The following PKP2 variants were observed in gnomAD, a reference collection of about 807,000 sequenced individuals.
PKP2 encodes plakophilin 2, also known as plakophilin-2.
In PKP2, 73 loss-of-function variants were observed where a neutral mutation model predicts 83.4. The ratio of observed to expected loss-of-function variants is 0.88; its 90% CI spans 0.72 to 1.06. The LOEUF is 1.06. PKP2 is among the 50% of genes least tolerant of loss of function. PKP2 has a pLI of 0.00. For missense variants in PKP2, 966 were observed against 1,065.4 expected (o/e 0.91, Z 1.30); for synonymous variants, 409 against 430.4 (o/e 0.95, Z 0.62).
chr12:32,797,955 G>A (rs903379561), intron 10 of PKP2, among the ~76,000 whole-genome samples: 6 of 152,042 alleles, frequency 3.9e-5, no homozygotes, highest in African/African-American at 1.5e-4. Context: ...CCAGGAGTTT[G>A]AGACCAGTCT....
chr12:32,792,855 C>CT, intron 11 of PKP2, 124 bp from the exon 12 acceptor site: 1 of 765,904 alleles, frequency 1.3e-6, no homozygotes, highest in Non-Finnish European at 2.4e-6. Flanking sequence ...TCCATGAAGT[C>CT]AGGCCACTCG....
chr12:32,808,488 G>A (rs1037763048), intron 9 of PKP2, among the ~76,000 whole-genome samples: 3 of 152,076 alleles, frequency 2.0e-5, no homozygotes, highest in Non-Finnish European at 4.4e-5. Flanking sequence ...TTATCTCAGC[G>A]AAGTTTGTTA....
At chr12:32,887,603 C>A (rs1199673499) in intron 1 of PKP2, among the ~76,000 whole-genome samples, 2 of 152,138 alleles carry the variant, frequency 1.3e-5, no homozygotes, top group East Asian at 3.9e-4. Context: ...CAGGTGTGTG[C>A]CACCATGCTG....
intron 5 of PKP2, among the ~76,000 whole-genome samples, chr12:32,845,438 T>C (rs1362644622): frequency 6.6e-6 from 1 of 151,874 alleles, no homozygotes; most frequent in Non-Finnish European, 1.5e-5. Flanking sequence ...TGTAGTCCCA[T>C]CTACTTGGGA....
chr12:32,821,550 T>C, intron 8 of PKP2, 21 bp from the exon 9 acceptor site: 1 of 1,613,440 alleles, frequency 6.2e-7, no homozygotes, highest in Non-Finnish European at 8.5e-7. Flanking sequence ...ACAAAAGGAA[T>C]CCAGAATTAA....
chr12:32,805,647 C>G (rs1956219832), intron 9 of PKP2, among the ~76,000 whole-genome samples: 1 of 152,110 alleles, frequency 6.6e-6, no homozygotes, highest in Admixed American at 6.5e-5. Flanking sequence ...GTTCTCTATT[C>G]AATTCCATTG....
chr12:32,825,351 T>G (rs1314329061), intron 6 of PKP2, among the ~76,000 whole-genome samples: 4 of 151,942 alleles, frequency 2.6e-5, no homozygotes, highest in African/African-American at 7.3e-5. Flanking sequence ...GTATTTTTAG[T>G]AGAGACGGGG....
Position 32,821,356 on chromosome 12 carries a change from T to G in PKP2, c.2013A>C (p.Pro671=). The G allele has an allele frequency of 6.2e-7, 1 of 1,613,856 alleles. No homozygotes were observed. Among genetic ancestry groups the G allele is most frequent in the East Asian group, 2.2e-5 (1 of 44,880 alleles). ...GTAGGAAATCAGGCCCAATACTCACTGGTCCACTTCCGGCCGTGAGGTTCT... is the reference window on the plus strand; with the variant it reads ...GTAGGAAATCAGGCCCAATACTCACGGGTCCACTTCCGGCCGTGAGGTTCT... ...ALQNLTAGSG[P]MPTSVAQTVV... The change falls in exon 9 of 13, where the codon CCA becomes CCC. Residue 671 remains proline (P), a splice_region_variant and synonymous_variant. Transcript: ENST00000340811.
At chr12:32,890,317 C>T (rs1015580141) in intron 1 of PKP2, among the ~76,000 whole-genome samples, 1 of 151,988 alleles carries the variant, frequency 6.6e-6, no homozygotes, top group Non-Finnish European at 1.5e-5. Flanking sequence ...CACACCCACC[C>T]CATAAATAGC....
Position 32,821,371 on chromosome 12 carries a change from C to G in PKP2, c.1998G>C (p.Thr666=), listed in dbSNP as rs371089832. Residue 666 remains threonine, a synonymous_variant, in exon 9 of 13, where the codon ACG becomes ACC. Transcript: ENST00000340811. ...EASLGALQNL[T]AGSGPMPTSV... is the part of the protein sequence containing the mutation. Reference sequence around the variant, plus strand: ...CAATACTCACTGGTCCACTTCCGGCCGTGAGGTTCTGCAGAGCTCCTAAGG... The same window carrying G: ...CAATACTCACTGGTCCACTTCCGGCGGTGAGGTTCTGCAGAGCTCCTAAGG... 2 of 1,613,948 alleles carry G rather than the reference C, an allele frequency of 1.2e-6. No homozygotes were observed. The highest frequency in any genetic ancestry group is 1.7e-6 in the Non-Finnish European group (2 of 1,180,004).
chr12:32,824,578 C>T (rs1008753657), intron 6 of PKP2, among the ~76,000 whole-genome samples: 1 of 152,102 alleles, frequency 6.6e-6, no homozygotes, highest in Non-Finnish European at 1.5e-5. Flanking sequence ...TTGCTCTGGG[C>T]CTCAGTTTCC....
chr12:32,857,450 G>C (rs1956760245), intron 4 of PKP2, among the ~76,000 whole-genome samples: 1 of 151,830 alleles, frequency 6.6e-6, no homozygotes, highest in Non-Finnish European at 1.5e-5. Context: ...AAGAGAGAGA[G>C]AGAGAGATCA....
At chr12:32,880,514 T>C (rs1467389552) in intron 1 of PKP2, among the ~76,000 whole-genome samples, 2 of 152,172 alleles carry the variant, frequency 1.3e-5, no homozygotes, top group African/African-American at 4.8e-5. Flanking sequence ...ACAGGAGAGT[T>C]AGGCAGGAAA....
intron 8 of PKP2, among the ~76,000 whole-genome samples, chr12:32,821,991 T>C (rs1479788145): frequency 6.6e-6 from 1 of 152,228 alleles, no homozygotes; most frequent in African/African-American, 2.4e-5. Flanking sequence ...TACATTCTCT[T>C]AGTTTTCATA....
At chr12:32,824,652 G>A (rs958089192) in intron 6 of PKP2, among the ~76,000 whole-genome samples, 2 of 152,124 alleles carry the variant, frequency 1.3e-5, no homozygotes, top group Admixed American at 1.3e-4. Flanking sequence ...AGTATAAACT[G>A]TTATTGACAA....
At chr12:32,816,210 T>C (rs1358714512) in intron 9 of PKP2, among the ~76,000 whole-genome samples, 3 of 151,830 alleles carry the variant, frequency 2.0e-5, no homozygotes, top group Non-Finnish European at 4.4e-5. Context: ...ACATAATAGT[T>C]AGTTTTTCAT....
intron 4 of PKP2, among the ~76,000 whole-genome samples, chr12:32,854,578 CA>C (rs1159347139): frequency 6.6e-6 from 1 of 152,168 alleles, no homozygotes; most frequent in Non-Finnish European, 1.5e-5. Flanking sequence ...TTCAGGGAAG[CA>C]GCTGGAACCA....
intron 6 of PKP2, among the ~76,000 whole-genome samples, chr12:32,831,349 A>T (rs547297841): frequency 1.3e-4 from 20 of 152,234 alleles, no homozygotes; most frequent in Non-Finnish European, 2.4e-4. Flanking sequence ...AAATTTTAGC[A>T]GTCATTTTGA....
intron 3 of PKP2, among the ~76,000 whole-genome samples, chr12:32,876,350 G>C (rs1379284849): frequency 6.6e-6 from 1 of 152,152 alleles, no homozygotes; most frequent in Non-Finnish European, 1.5e-5. Flanking sequence ...CACAGAGATG[G>C]AGGGAGAGAA....
Sources: gnomAD v4.1 joint callset for allele counts (sites outside exome capture counted in the v4.1 genomes callset) on GRCh38, gnomAD v4.1.1 for gene constraint, MANE v1.5 for transcripts, NCBI Gene and HGNC (gene_info 2026-07-23, HGNC 2026-07-21) for gene names.